The following DCLK1 variants were observed in gnomAD, a reference collection of about 807,000 sequenced individuals.
DCLK1 encodes doublecortin like kinase 1.
DCLK1 carries 16 observed loss-of-function variants against 86.2 expected under a neutral mutation model. The observed-to-expected ratio is 0.19, with a 90% CI of 0.13 to 0.28. The LOEUF (loss-of-function observed/expected upper bound fraction) is 0.28. DCLK1 is among the 10% of genes least tolerant of loss of function. The pLI is 1.00. For missense variants in DCLK1, 590 were observed against 940.2 expected, an observed-to-expected ratio of 0.63 and a Z score of 4.87; for synonymous variants, 369 against 370.5, an observed-to-expected ratio of 1.00 and a Z score of 0.05.
At chr13:36,001,189 C>T (rs1263811079) in intron 3 of DCLK1, among the ~76,000 whole-genome samples, 1 of 152,114 alleles carries the variant, frequency 6.6e-6, no homozygotes, top group African/African-American at 2.4e-5. Flanking sequence ...CTCAGGTGAT[C>T]CACCCACTTC....
intron 3 of DCLK1, among the ~76,000 whole-genome samples, chr13:36,016,310 T>C (rs1881536161): frequency 6.6e-6 from 1 of 152,212 alleles, no homozygotes; most frequent in African/African-American, 2.4e-5. Context: ...TTAGCCATAT[T>C]TTAATACAAA....
At chr13:36,017,335 T>C (rs1219287363) in intron 3 of DCLK1, among the ~76,000 whole-genome samples, 1 of 152,128 alleles carries the variant, frequency 6.6e-6, no homozygotes, top group Non-Finnish European at 1.5e-5. Flanking sequence ...GAACAGAATG[T>C]CAAGAGCAAA....
rs1299357130 is a variant in DCLK1 at position 36,056,488 on chromosome 13, G to C, written c.723+55381C>G. The stretch of plus-strand genomic sequence containing the variant: ...TGGTGGGGAGGGGGGAGGGGGGAGG[G>C]ATAGCGTTGGGAGATATACCTAATG... On this transcript the variant is annotated intron_variant, in intron 3 of 16. Transcript: ENST00000360631. Among the ~76,000 whole-genome samples, 4 of 104,728 alleles carry C rather than the reference G, an allele frequency of 3.8e-5. No homozygotes were observed. The East Asian group carries it at 1.3e-3, about 34-fold the overall frequency. The allele number at this position is 104,728 out of a possible 152,430, so 68.7% of individuals were successfully genotyped here. A position where few individuals can be genotyped will look rare whatever the true frequency, so the allele number is the denominator to read the frequency against.
chr13:35,837,447 C>A (rs1869469232), intron 7 of DCLK1, among the ~76,000 whole-genome samples: 1 of 152,132 alleles, frequency 6.6e-6, no homozygotes, highest in South Asian at 2.1e-4. Flanking sequence ...ATCCCCCTAA[C>A]CCCATCTCAC....
At chr13:35,784,973 C>G (rs914361164) in intron 16 of DCLK1, among the ~76,000 whole-genome samples, 2 of 152,124 alleles carry the variant, frequency 1.3e-5, no homozygotes, top group Non-Finnish European at 2.9e-5. Flanking sequence ...AACAACCGAG[C>G]ATGACAGCGC....
chr13:35,992,131 G>C (rs1880260081), intron 3 of DCLK1, among the ~76,000 whole-genome samples: 1 of 152,162 alleles, frequency 6.6e-6, no homozygotes, highest in African/African-American at 2.4e-5. Flanking sequence ...GATTATAGGG[G>C]TTCCCACACT....
intron 3 of DCLK1, among the ~76,000 whole-genome samples, chr13:35,978,837 A>C (rs1423754097): frequency 6.6e-6 from 1 of 152,160 alleles, no homozygotes; most frequent in African/African-American, 2.4e-5. Flanking sequence ...GGCATGAATT[A>C]TCGGAATGAT....
chr13:35,958,246 C>T (rs1566620943), intron 3 of DCLK1, among the ~76,000 whole-genome samples: 6 of 134,114 alleles, frequency 4.5e-5, no homozygotes, highest in African/African-American at 1.2e-4. Context: ...ATCATCACCA[C>T]CACCACTACC....
At chr13:35,850,675 A>G (rs370587866) in intron 6 of DCLK1, 343 of 1,503,172 alleles carry the variant, frequency 2.3e-4, no homozygotes, top group Non-Finnish European at 2.9e-4. Flanking sequence ...GAAATGTGAA[A>G]CCTTCACCCA....
At chr13:35,988,297 C>G (rs535185406) in intron 3 of DCLK1, among the ~76,000 whole-genome samples, 1 of 152,190 alleles carries the variant, frequency 6.6e-6, no homozygotes, top group Non-Finnish European at 1.5e-5. Flanking sequence ...AGGCTGTTGG[C>G]GACACCGCGG....
rs554471198 is a variant in DCLK1, at chr13:35,982,910, C to T, written c.724-35453G>A. On this transcript the variant is annotated intron_variant, in intron 3 of 16. Transcript: ENST00000360631. ...CCAAGTAGCTAGGATTACAAGCACC[C>T]GCCACCACACCTGGCTAATTTTTTT... is the stretch of plus-strand genomic sequence containing the variant. Among the ~76,000 whole-genome samples, 207 of 151,892 alleles carry T rather than the reference C, an allele frequency of 1.4e-3. 1 individual carries two copies. The highest frequency in any genetic ancestry group is 4.7e-3 in the African/African-American group (193 of 41,438).
intron 6 of DCLK1, chr13:35,845,951 A>C: frequency 1.0e-6 from 1 of 985,400 alleles, no homozygotes; most frequent in Non-Finnish European, 1.2e-6. Context: ...AAGTGTCACA[A>C]AGTTAACTTC....
chr13:35,859,879 T>C (rs780681044), intron 5 of DCLK1, among the ~76,000 whole-genome samples: 2 of 152,250 alleles, frequency 1.3e-5, no homozygotes, highest in Non-Finnish European at 2.9e-5. Flanking sequence ...TCCACGCATA[T>C]GTAGGTTAAC....
intron 3 of DCLK1, among the ~76,000 whole-genome samples, chr13:36,105,698 C>T (rs1008973577): frequency 2.6e-5 from 4 of 152,136 alleles, no homozygotes; most frequent in African/African-American, 9.7e-5. Context: ...AAATTTTAAA[C>T]TTAACTAATC....
At chr13:35,827,874 G>A (rs1368522129) in intron 9 of DCLK1, 120 bp from the exon 10 acceptor site, 4 of 1,183,906 alleles carry the variant, frequency 3.4e-6, no homozygotes, top group Non-Finnish European at 4.8e-6. Flanking sequence ...AATGTAATAA[G>A]CCTGTCTTAT....
At chr13:35,801,331 T>C (rs1006133848) in intron 15 of DCLK1, among the ~76,000 whole-genome samples, 1 of 152,238 alleles carries the variant, frequency 6.6e-6, no homozygotes, top group African/African-American at 2.4e-5. Flanking sequence ...TGTGAAAGCT[T>C]ACTTTTAACA....
intron 16 of DCLK1, among the ~76,000 whole-genome samples, chr13:35,782,608 T>C (rs948196576): frequency 3.9e-5 from 6 of 152,192 alleles, no homozygotes; most frequent in Non-Finnish European, 7.3e-5. Flanking sequence ...CTTTGATGTA[T>C]CCCAAATTCT....
Position 35,894,189 on chromosome 13 carries a change from A to G in DCLK1, c.824-22849T>C, listed in dbSNP as rs189531965. ...TGTATCTGAAATACTTCTGGCCCCA[A>G]GCATTTTGGACAGGGATACTCAACG... On this transcript the variant is annotated intron_variant, in intron 4 of 16. Transcript: ENST00000360631. Among the ~76,000 whole-genome samples the G allele has an allele frequency of 3.1e-3, 465 of 152,302 alleles. 6 individuals are homozygous for G. The highest frequency in any genetic ancestry group is 0.011 in the African/African-American group (451 of 41,574).
intron 4 of DCLK1, among the ~76,000 whole-genome samples, chr13:35,899,838 G>A (rs1874237816): frequency 6.6e-6 from 1 of 152,072 alleles, no homozygotes. Flanking sequence ...AAGACAAAAA[G>A]AACGCTATTG....
Sources: allele counts gnomAD v4.1 joint callset (sites outside exome capture counted in the v4.1 genomes callset), GRCh38; gene constraint gnomAD v4.1.1; transcripts MANE v1.5; gene names NCBI Gene and HGNC (gene_info 2026-07-23, HGNC 2026-07-21).